The following MAST4 variants were observed in gnomAD, a reference collection of about 807,000 sequenced individuals.
MAST4 encodes the protein microtubule-associated serine/threonine-protein kinase 4.
In MAST4, 89 loss-of-function variants were observed where a neutral mutation model predicts 162.7. That is an observed-to-expected ratio of 0.55 (90% CI 0.46 to 0.65). The LOEUF (loss-of-function observed/expected upper bound fraction) is 0.65, where lower values mean the gene tolerates loss of function less well. MAST4 is among the 30% of genes least tolerant of loss of function. The probability of loss-of-function intolerance (pLI) is 0.00; values close to 1 mark genes in which losing one functional copy is unlikely to be tolerated. For synonymous variants in MAST4, 1,479 were observed against 1,361.1 expected (o/e 1.09, Z -1.91); for missense variants, 3,153 against 3,374.0 (o/e 0.93, Z 1.62).
chr5:67,078,794 ATATATTTATT>A (rs1461148737), intron 5 of MAST4, among the ~76,000 whole-genome samples: 4 of 105,866 alleles, frequency 3.8e-5, no homozygotes, highest in African/African-American at 1.9e-4. Context: ...ATTTATCTAA[ATATATTTATT>A]TATATTTATA....
In MAST4 at chr5:66,751,382, A is replaced by C. The variant is rs2149593769; in HGVS notation, c.364-8327A>C. On this transcript the variant is annotated intron_variant, in intron 1 of 28. Transcript: ENST00000403625. The stretch of plus-strand genomic sequence containing the variant: ...GAGGACATTCAAACCAAAGGCAAAG[A>C]AGTTGAAAACTGAAAAAAATTTAGA... Among the ~76,000 whole-genome samples the C allele has an allele frequency of 1.3e-5, 2 of 152,314 alleles. 1 individual carries two copies. The highest frequency in any genetic ancestry group is 4.1e-4 in the South Asian group (2 of 4,826).
At chr5:66,976,920 T>C (rs1748211136) in intron 4 of MAST4, among the ~76,000 whole-genome samples, 1 of 152,168 alleles carries the variant, frequency 6.6e-6, no homozygotes, top group Non-Finnish European at 1.5e-5. Context: ...TTTGCATCTA[T>C]AGTTTTCTAT....
intron 4 of MAST4, among the ~76,000 whole-genome samples, chr5:66,933,449 C>T (rs1742381499): frequency 6.6e-6 from 1 of 152,170 alleles, no homozygotes; most frequent in African/African-American, 2.4e-5. Context: ...TCATCTTCTC[C>T]TTATTAATTA....
chr5:67,088,936 A>G (rs562734501), intron 5 of MAST4, among the ~76,000 whole-genome samples: 1 of 152,346 alleles, frequency 6.6e-6, no homozygotes, highest in East Asian at 1.9e-4. Context: ...AGGTAACACT[A>G]AACTTATCCT....
intron 11 of MAST4, among the ~76,000 whole-genome samples, chr5:67,113,451 A>C (rs1234446628): frequency 6.6e-6 from 1 of 152,130 alleles, no homozygotes; most frequent in Non-Finnish European, 1.5e-5. Flanking sequence ...ACACACAAAA[A>C]ATTAAATAGA....
intron 2 of MAST4, among the ~76,000 whole-genome samples, chr5:66,760,507 C>T (rs1313259780): frequency 6.6e-6 from 1 of 152,122 alleles, no homozygotes; most frequent in Non-Finnish European, 1.5e-5. Flanking sequence ...AAATGTTTCC[C>T]ATGCTCTTCC....
At chr5:66,761,905 G>T (rs909109693) in intron 2 of MAST4, among the ~76,000 whole-genome samples, 1 of 152,132 alleles carries the variant, frequency 6.6e-6, no homozygotes, top group Non-Finnish European at 1.5e-5. Context: ...AATCTTAAAG[G>T]TTAAAAGACT....
At chr5:66,962,191 GCT>G (rs1235782472) in intron 4 of MAST4, among the ~76,000 whole-genome samples, 9 of 152,154 alleles carry the variant, frequency 5.9e-5, no homozygotes, top group Non-Finnish European at 5.9e-5. Context: ...CCAAAATGCA[GCT>G]CTGTTTCAAG....
chr5:67,152,963 A>T (rs1224951073), intron 25 of MAST4, 97 bp downstream of exon 25: 4 of 1,037,260 alleles, frequency 3.9e-6, no homozygotes, highest in Non-Finnish European at 5.7e-6. Context: ...TTTACTTTTA[A>T]GCTTGCATTT....
Position 67,165,627 on chromosome 5 carries a change from C to T in MAST4, c.6448C>T (p.Gln2150Ter). ...AKDLSSPAAR[Q>*]HCSSPSHASG... The stretch of plus-strand genomic sequence containing the variant: ...AGACCTGTCCAGCCCGGCTGCCAGG[C>T]AGCATTGCAGTTCCCCAAGCCACGC... The change falls in exon 29 of 29, where the codon CAG becomes TAG. Residue 2150 changes from glutamine (Q) to a stop codon, truncating the protein, a stop_gained. Transcript: ENST00000403625. LOFTEE classifies it low-confidence loss of function (END_TRUNC). 6.2e-7 allele frequency: 1 copy of T among 1,612,372 alleles called. No individual in the cohort carries two copies. The highest frequency in any genetic ancestry group is 8.5e-7 in the Non-Finnish European group (1 of 1,179,316).
At chr5:66,787,000 A>G (rs533535567) in intron 2 of MAST4, among the ~76,000 whole-genome samples, 1 of 152,340 alleles carries the variant, frequency 6.6e-6, no homozygotes, top group African/African-American at 2.4e-5. Flanking sequence ...GTCTAGAGGA[A>G]AATCACTAAG....
At chr5:66,980,810 A>G (rs1352377217) in intron 4 of MAST4, among the ~76,000 whole-genome samples, 2 of 152,124 alleles carry the variant, frequency 1.3e-5, no homozygotes, top group Non-Finnish European at 2.9e-5. Flanking sequence ...AGGAATCTTC[A>G]GTTTTAGAAT....
chr5:67,001,062 C>G (rs753000645), intron 4 of MAST4, among the ~76,000 whole-genome samples: 1 of 152,184 alleles, frequency 6.6e-6, no homozygotes, highest in Non-Finnish European at 1.5e-5. Context: ...TGCTGAATAT[C>G]TCTATATTGA....
At chr5:66,927,904 G>A (rs1198774438) in intron 4 of MAST4, among the ~76,000 whole-genome samples, 3 of 152,188 alleles carry the variant, frequency 2.0e-5, no homozygotes, top group African/African-American at 7.2e-5. Flanking sequence ...TCTAGCTTCT[G>A]GTGGTTTGTG....
intron 4 of MAST4, among the ~76,000 whole-genome samples, chr5:67,001,209 A>G (rs942088183): frequency 2.0e-5 from 3 of 152,182 alleles, no homozygotes; most frequent in Non-Finnish European, 2.9e-5. Context: ...AGTTTTGACA[A>G]TTTTAATTCT....
intron 1 of MAST4, among the ~76,000 whole-genome samples, chr5:66,737,677 A>C (rs1262298800): frequency 6.6e-6 from 1 of 152,084 alleles, no homozygotes. Context: ...CTGTGCTTTT[A>C]TGGAAGGAGC....
At chr5:66,881,803 G>C (rs1441487197) in intron 3 of MAST4, among the ~76,000 whole-genome samples, 1 of 152,186 alleles carries the variant, frequency 6.6e-6, no homozygotes, top group Non-Finnish European at 1.5e-5. Context: ...TTTACCTTTA[G>C]GGACTTCTGT....
At chr5:67,049,022 C>CGT (rs199538497) in intron 4 of MAST4, among the ~76,000 whole-genome samples, 2,116 of 81,684 alleles carry the variant, frequency 0.026, 181 homozygotes, top group African/African-American at 0.11. Context: ...TATATATATA[C>CGT]GTATATATAT....
intron 4 of MAST4, among the ~76,000 whole-genome samples, chr5:67,051,974 C>T (rs1758239730): frequency 6.6e-6 from 1 of 152,084 alleles, no homozygotes; most frequent in Non-Finnish European, 1.5e-5. Flanking sequence ...TCTCTAGCTT[C>T]ATGTTGAAAG....
Sources: allele counts gnomAD v4.1 joint callset (sites outside exome capture counted in the v4.1 genomes callset), GRCh38; gene constraint gnomAD v4.1.1; transcripts MANE v1.5; gene names NCBI Gene and HGNC (gene_info 2026-07-23, HGNC 2026-07-21).